Variants in CTXN3 observed in about 807,000 individuals in gnomAD.
The protein encoded by CTXN3 is cortexin 3, also known as cortexin-3.
A neutral mutation model predicts 5.0 loss-of-function variants in CTXN3; 4 were observed. The ratio of observed to expected loss-of-function variants is 0.79; its 90% CI spans 0.39 to 1.82. The LOEUF (loss-of-function observed/expected upper bound fraction) is 1.82, where lower values mean the gene tolerates loss of function less well. Ranked by LOEUF, CTXN3 falls within the 40% of genes most tolerant of loss-of-function variation. CTXN3 has a pLI of 0.04. For synonymous variants in CTXN3, 48 were observed against 38.6 expected (o/e 1.24, Z -0.91); for missense variants, 89 against 99.7 (o/e 0.89, Z 0.46).
chr5:127,657,359 G>C (rs1409589209), intron 2 of CTXN3, 64 bp from the exon 3 acceptor site: 2 of 713,804 alleles, frequency 2.8e-6, no homozygotes, highest in East Asian at 2.7e-5. Flanking sequence ...AAATATGACT[G>C]TGAACCTAAA....
rs1182704349 is a variant in CTXN3, at chr5:127,657,404, C to G, written c.-99-19C>G. ...CTGCTATTTTATAGGTATTCCTTTC[C>G]CTTCCTTTTTCCCTGCAGATAACTC... On this transcript the variant is annotated intron_variant, in intron 2 of 2. Coordinates refer to ENST00000379445, the MANE Select transcript of CTXN3 (RefSeq NM_001048252.3). 3 of 1,156,908 alleles carry G rather than the reference C, an allele frequency of 2.6e-6. No individual in the cohort carries two copies. 71.7% of individuals were successfully genotyped at this position (1,156,908 alleles called of 1,614,324 possible). A position where few individuals can be genotyped will look rare whatever the true frequency, so the allele number is the denominator to read the frequency against.
intron 1 of CTXN3, among the ~76,000 whole-genome samples, chr5:127,652,771 A>T (rs1310502187): frequency 6.6e-6 from 1 of 152,218 alleles, no homozygotes; most frequent in Non-Finnish European, 1.5e-5. Flanking sequence ...TGAAAAACAG[A>T]CAAAATGAGG....
chr5:127,649,733 G>A (rs1270776648), intron 1 of CTXN3, among the ~76,000 whole-genome samples: 3 of 151,142 alleles, frequency 2.0e-5, no homozygotes, highest in South Asian at 2.1e-4. Context: ...CACCTAAAAC[G>A]TCCAACCTTC....
At chr5:127,655,066 C>T (rs1343996614) in intron 2 of CTXN3, among the ~76,000 whole-genome samples, 1 of 151,864 alleles carries the variant, frequency 6.6e-6, no homozygotes, top group African/African-American at 2.4e-5. Flanking sequence ...GAGTTCAAGA[C>T]CAGCCTGACC....
At chr5:127,650,172 A>G (rs1034750416) in intron 1 of CTXN3, among the ~76,000 whole-genome samples, 1 of 152,172 alleles carries the variant, frequency 6.6e-6, no homozygotes, top group Non-Finnish European at 1.5e-5. Context: ...GCTTAAAAGC[A>G]GCAGTGAGTT....
Position 127,657,504 on chromosome 5 carries a change from C to A in CTXN3, c.-18C>A, listed in dbSNP as rs1749936792. 1.2e-6 allele frequency: 2 copies of A among 1,613,274 alleles called. No individual in the cohort carries two copies. Among genetic ancestry groups the A allele is most frequent in the South Asian group, 1.1e-5 (1 of 91,052 alleles). On this transcript the variant is annotated 5_prime_UTR_variant, in exon 3 of 3. Transcript: ENST00000379445. Reference sequence around the variant, plus strand: ...GAAAAGAAAACCAGGATATCCTGTGCTCTGGCTTCCCTGGACCATGGATGG... The same window carrying A: ...GAAAAGAAAACCAGGATATCCTGTGATCTGGCTTCCCTGGACCATGGATGG...
chr5:127,657,795 G>A lies in CTXN3; in HGVS notation c.*28G>A. Reference sequence around the variant, plus strand: ...GGGATGGTGTGGGATCTCCTCCTGAGGAGATGAAGTGCTTTGTGTCTTGGT... The same window carrying A: ...GGGATGGTGTGGGATCTCCTCCTGAAGAGATGAAGTGCTTTGTGTCTTGGT... On this transcript the variant is annotated 3_prime_UTR_variant, in exon 3 of 3. Transcript: ENST00000379445. 2.5e-6 allele frequency: 4 copies of A among 1,612,598 alleles called. No individual in the cohort carries two copies. Among genetic ancestry groups the A allele is most frequent in the Non-Finnish European group, 3.4e-6 (4 of 1,179,012 alleles).
At chr5:127,654,993 G>A (rs1331435339) in intron 2 of CTXN3, among the ~76,000 whole-genome samples, 4 of 152,094 alleles carry the variant, frequency 2.6e-5, no homozygotes, top group Non-Finnish European at 5.9e-5. Context: ...GCCAGGCATG[G>A]TGGCTCATGC....
intron 1 of CTXN3, among the ~76,000 whole-genome samples, chr5:127,652,540 A>T (rs1749806952): frequency 6.6e-6 from 1 of 151,992 alleles, no homozygotes; most frequent in Non-Finnish European, 1.5e-5. Context: ...GGAGTAAAAA[A>T]CACCCCATCC....
chr5:127,657,252 T>C (rs895774936), intron 2 of CTXN3, among the ~76,000 whole-genome samples, 171 bp from the exon 3 acceptor site: 3 of 152,154 alleles, frequency 2.0e-5, no homozygotes, highest in African/African-American at 7.2e-5. Flanking sequence ...TCTGGTAATT[T>C]CATGCAAGAG....
intron 1 of CTXN3, among the ~76,000 whole-genome samples, chr5:127,650,074 CA>C (rs1389126340): frequency 3.3e-5 from 5 of 151,980 alleles, no homozygotes; most frequent in African/African-American, 1.2e-4. Flanking sequence ...ATTCCTCAAG[CA>C]GATATTAAGA....
At chr5:127,655,422 A>T (rs1054884918) in intron 2 of CTXN3, among the ~76,000 whole-genome samples, 1 of 152,222 alleles carries the variant, frequency 6.6e-6, no homozygotes, top group Admixed American at 6.5e-5. Flanking sequence ...AAGTGAGAGG[A>T]TCCTCAGTAG....
intron 2 of CTXN3, among the ~76,000 whole-genome samples, chr5:127,654,774 G>A (rs1359078679): frequency 6.6e-6 from 1 of 150,696 alleles, no homozygotes; most frequent in Non-Finnish European, 1.5e-5. Context: ...GGGAGGGACT[G>A]AGCAAGGTAT....
intron 1 of CTXN3, among the ~76,000 whole-genome samples, chr5:127,649,660 T>G (rs2126739276): frequency 6.6e-6 from 1 of 152,314 alleles, no homozygotes; most frequent in African/African-American, 2.4e-5. Flanking sequence ...TTTTTTTCTT[T>G]CCTAAGCTGC....
intron 1 of CTXN3, among the ~76,000 whole-genome samples, chr5:127,650,748 T>C (rs1749768563): frequency 6.6e-6 from 1 of 152,230 alleles, no homozygotes; most frequent in African/African-American, 2.4e-5. Flanking sequence ...ATTCTGTTGC[T>C]TAGATAACGA....
chr5:127,657,376 A>G, intron 2 of CTXN3, 47 bp from the exon 3 acceptor site: 1 of 832,930 alleles, frequency 1.2e-6, no homozygotes, highest in Non-Finnish European at 1.8e-6. Flanking sequence ...TAAAAAAATA[A>G]GGCTGCTATT....
rs976020731 is a variant in CTXN3, at chr5:127,657,967, A to T, written c.*200A>T. Reference sequence around the variant, plus strand: ...TGGACACTTATATAACTAATCCAACATAAGAAGGTTTAAATTTTTATGTTT... The same window carrying T: ...TGGACACTTATATAACTAATCCAACTTAAGAAGGTTTAAATTTTTATGTTT... On this transcript the variant is annotated 3_prime_UTR_variant, in exon 3 of 3. Coordinates refer to ENST00000379445, the MANE Select transcript of CTXN3 (RefSeq NM_001048252.3). 5 of 616,384 alleles carry T rather than the reference A, an allele frequency of 8.1e-6. No homozygotes were observed. The highest frequency in any genetic ancestry group is 7.4e-5 in the African/African-American group (4 of 53,880). The allele number at this position is 616,384 out of a possible 1,614,324, so 38.2% of individuals were successfully genotyped here.
chr5:127,654,924 T>C (rs921305882), intron 2 of CTXN3, among the ~76,000 whole-genome samples: 1 of 152,190 alleles, frequency 6.6e-6, no homozygotes, highest in Non-Finnish European at 1.5e-5. Context: ...TGGTCTTTTC[T>C]CTTCTTATAT....
intron 2 of CTXN3, among the ~76,000 whole-genome samples, chr5:127,656,939 G>T (rs1158440244): frequency 2.0e-5 from 3 of 152,172 alleles, no homozygotes; most frequent in Admixed American, 6.5e-5. Context: ...CAGTTTCCTT[G>T]CACTGGGGCT....
Sources: gnomAD v4.1 joint callset for allele counts (sites outside exome capture counted in the v4.1 genomes callset) on GRCh38, gnomAD v4.1.1 for gene constraint, MANE v1.5 for transcripts, NCBI Gene and HGNC (gene_info 2026-07-23, HGNC 2026-07-21) for gene names.